IL1RAPL1: variants seen among roughly 807,000 people sequenced by gnomAD.
The protein encoded by IL1RAPL1 is interleukin-1 receptor accessory protein-like 1.
A neutral mutation model predicts 48.4 loss-of-function variants in IL1RAPL1; 3 were observed. That is an observed-to-expected ratio of 0.06 (90% CI 0.03 to 0.16). The LOEUF (loss-of-function observed/expected upper bound fraction) is 0.16, where lower values mean the gene tolerates loss of function less well. Ranked by LOEUF, IL1RAPL1 falls within the 10% of genes least tolerant of loss-of-function variation. The probability of loss-of-function intolerance (pLI) is 1.00; values close to 1 mark genes in which losing one functional copy is unlikely to be tolerated. For missense variants in IL1RAPL1, 349 were observed against 530.6 expected (o/e 0.66, Z 3.36); for synonymous variants, 185 against 187.7 (o/e 0.99, Z 0.12).
chrX:28,937,120 A>T lies in IL1RAPL1; in HGVS notation c.82+147695A>T, dbSNP rs1436352757. 2.7e-5 allele frequency among the ~76,000 whole-genome samples: 3 copies of T among 111,251 alleles called. No homozygotes were observed. In the Admixed American group the frequency reaches 2.9e-4, roughly 11 times the overall value. ...CTTTTTATTCATTTATTGTCATGTC[A>T]CTTGAAAGATATTAACGTTTATATC... On this transcript the variant is annotated intron_variant, in intron 2 of 10. Transcript: ENST00000378993.
At chrX:29,257,495 A>G (rs1024594439) in intron 2 of IL1RAPL1, among the ~76,000 whole-genome samples, 4 of 111,860 alleles carry the variant, frequency 3.6e-5, no homozygotes, top group African/African-American at 1.3e-4. Context: ...TCCAGAAGGT[A>G]GGAAAGATCC....
At chrX:29,023,319 G>A (rs757709410) in intron 2 of IL1RAPL1, among the ~76,000 whole-genome samples, 1 of 112,273 alleles carries the variant, frequency 8.9e-6, no homozygotes, top group Non-Finnish European at 1.9e-5. Context: ...ACATTGTAAT[G>A]TTTAGAAAAT....
chrX:28,720,297 G>A (rs1439148557), intron 1 of IL1RAPL1, among the ~76,000 whole-genome samples: 3 of 111,280 alleles, frequency 2.7e-5, no homozygotes, highest in Non-Finnish European at 5.7e-5. Context: ...TGCTCCTAAT[G>A]ATTTCTGTTA....
intron 2 of IL1RAPL1, among the ~76,000 whole-genome samples, chrX:28,823,681 T>C (rs1213669459): frequency 9.0e-6 from 1 of 111,260 alleles, no homozygotes; most frequent in Non-Finnish European, 1.9e-5. Flanking sequence ...ATTAATTTCC[T>C]TGTCTTTTCT....
intron 5 of IL1RAPL1, among the ~76,000 whole-genome samples, chrX:29,628,315 C>T (rs188609122): frequency 2.1e-4 from 23 of 111,915 alleles, no homozygotes; most frequent in African/African-American, 6.8e-4. Flanking sequence ...GGATGGCCAT[C>T]AGAGAAATTG....
At chrX:29,672,227 A>T (rs1384910270) in intron 6 of IL1RAPL1, among the ~76,000 whole-genome samples, 1 of 111,763 alleles carries the variant, frequency 8.9e-6, no homozygotes, top group Non-Finnish European at 1.9e-5. Context: ...AAATTCCTAA[A>T]AGTAAAAATA....
intron 2 of IL1RAPL1, among the ~76,000 whole-genome samples, chrX:29,122,220 G>A (rs997599353): frequency 9.0e-5 from 10 of 110,584 alleles, no homozygotes; most frequent in South Asian, 3.8e-4. Context: ...TTTGATTATC[G>A]CTATAATAAA....
At chrX:28,826,113 A>T (rs1936993159) in intron 2 of IL1RAPL1, among the ~76,000 whole-genome samples, 1 of 111,961 alleles carries the variant, frequency 8.9e-6, no homozygotes, top group African/African-American at 3.2e-5. Flanking sequence ...AAAAATGTGC[A>T]GTGTTCAGAA....
At chrX:29,483,552 C>A (rs773468020) in intron 5 of IL1RAPL1, among the ~76,000 whole-genome samples, 3 of 111,615 alleles carry the variant, frequency 2.7e-5, no homozygotes, top group Non-Finnish European at 5.6e-5. Context: ...AGGGAAGTAA[C>A]CTTCCTTAGT....
At chrX:28,896,263 G>A (rs909779793) in intron 2 of IL1RAPL1, among the ~76,000 whole-genome samples, 3 of 111,975 alleles carry the variant, frequency 2.7e-5, no homozygotes, top group Non-Finnish European at 5.6e-5. Flanking sequence ...TGGGGTTTGA[G>A]GGCTGGAATT....
chrX:28,682,489 T>C (rs1229945214), intron 1 of IL1RAPL1, among the ~76,000 whole-genome samples: 1 of 110,510 alleles, frequency 9.0e-6, no homozygotes, highest in Non-Finnish European at 1.9e-5. Context: ...TTTTATATTT[T>C]TGGTAGAGAC....
At chrX:28,903,500 C>T (rs765723161) in intron 2 of IL1RAPL1, among the ~76,000 whole-genome samples, 3 of 108,909 alleles carry the variant, frequency 2.8e-5, no homozygotes, top group Non-Finnish European at 3.8e-5. Context: ...CGATACAAGC[C>T]GGGTGTCATT....
chrX:29,339,968 T>C (rs1298642277), intron 3 of IL1RAPL1, among the ~76,000 whole-genome samples: 1 of 111,771 alleles, frequency 8.9e-6, no homozygotes, highest in East Asian at 2.8e-4. Flanking sequence ...AAATATAAGG[T>C]CAGAGACTTG....
chrX:29,543,429 T>C (rs1000918025), intron 5 of IL1RAPL1, among the ~76,000 whole-genome samples: 12 of 110,439 alleles, frequency 1.1e-4, no homozygotes, highest in African/African-American at 3.9e-4. Flanking sequence ...TCTGGTGTTC[T>C]AAAGCGTTTT....
Position 29,368,280 on chromosome X carries a change from A to T in IL1RAPL1, c.363-27978A>T, listed in dbSNP as rs12010933. On this transcript the variant is annotated intron_variant, in intron 3 of 10. Coordinates refer to ENST00000378993, the MANE Select transcript of IL1RAPL1 (RefSeq NM_014271.4). Reference sequence around the variant, plus strand: ...TGCTATTTTTTTATATATTTTATGTATGTATACCTAGCAAGGTAAAATACT... The same window carrying T: ...TGCTATTTTTTTATATATTTTATGTTTGTATACCTAGCAAGGTAAAATACT... Among the ~76,000 whole-genome samples, 608 of 112,630 alleles carry T rather than the reference A, an allele frequency of 5.4e-3. 5 individuals carry two copies. Among genetic ancestry groups the T allele is most frequent in the African/African-American group, 0.018 (557 of 31,048 alleles).
intron 2 of IL1RAPL1, among the ~76,000 whole-genome samples, chrX:28,923,029 G>A (rs1001527931): frequency 8.9e-6 from 1 of 111,792 alleles, no homozygotes; most frequent in African/African-American, 3.2e-5. Flanking sequence ...TACCCCAACA[G>A]TAAAAGTAAC....
At chrX:28,740,237 A>T (rs1319972798) in intron 1 of IL1RAPL1, among the ~76,000 whole-genome samples, 1 of 112,070 alleles carries the variant, frequency 8.9e-6, no homozygotes, top group Non-Finnish European at 1.9e-5. Flanking sequence ...ACTGAAGAGA[A>T]GAATAAGAAA....
chrX:29,434,211 C>A (rs937958245), intron 5 of IL1RAPL1, among the ~76,000 whole-genome samples: 5 of 109,998 alleles, frequency 4.5e-5, no homozygotes, highest in Non-Finnish European at 3.8e-5. Flanking sequence ...AATTTATAAA[C>A]CTTCTCAGTT....
At chrX:29,208,279 G>T (rs1456727661) in intron 2 of IL1RAPL1, among the ~76,000 whole-genome samples, 1 of 111,394 alleles carries the variant, frequency 9.0e-6, no homozygotes, top group African/African-American at 3.3e-5. Context: ...ACCTCCAACA[G>T]ACTCAGTCAA....
Sources: allele counts gnomAD v4.1 joint callset (sites outside exome capture counted in the v4.1 genomes callset), GRCh38; gene constraint gnomAD v4.1.1; transcripts MANE v1.5; gene names NCBI Gene and HGNC (gene_info 2026-07-23, HGNC 2026-07-21).